The following CYRIA variants were observed in gnomAD, a reference collection of about 807,000 sequenced individuals.
CYRIA encodes CYFIP-related Rac1 interactor A.
CYRIA carries 15 observed loss-of-function variants against 43.9 expected under a neutral mutation model. That is an observed-to-expected ratio of 0.34 (90% CI 0.23 to 0.53). The LOEUF (loss-of-function observed/expected upper bound fraction) is 0.53, where lower values mean the gene tolerates loss of function less well. Ranked by LOEUF, CYRIA falls within the 20% of genes least tolerant of loss-of-function variation. CYRIA has a pLI of 0.94. For synonymous variants in CYRIA, 117 were observed against 136.0 expected (o/e 0.86, Z 0.97); for missense variants, 236 against 394.2 (o/e 0.60, Z 3.40).
intron 5 of CYRIA, among the ~76,000 whole-genome samples, chr2:16,562,467 A>T (rs1412763703): frequency 6.6e-6 from 1 of 152,156 alleles, no homozygotes; most frequent in Non-Finnish European, 1.5e-5. Flanking sequence ...TGTGCATGAG[A>T]CAGCCATTCA....
intron 3 of CYRIA, among the ~76,000 whole-genome samples, chr2:16,580,158 G>A (rs1368711415): frequency 2.0e-5 from 3 of 151,976 alleles, no homozygotes; most frequent in African/African-American, 7.3e-5. Flanking sequence ...TTGTTGCCCA[G>A]ACTGGCCTTG....
chr2:16,560,848 G>A (rs113157397), intron 9 of CYRIA, 142 bp downstream of exon 9: 24 of 735,460 alleles, frequency 3.3e-5, no homozygotes, highest in African/African-American at 2.8e-4. Context: ...ACCACTCAGA[G>A]TTCTTAGTGA....
intron 1 of CYRIA, among the ~76,000 whole-genome samples, chr2:16,640,506 G>GA (rs1285823771): frequency 6.6e-6 from 1 of 152,210 alleles, no homozygotes; most frequent in Non-Finnish European, 1.5e-5. Context: ...GTTTTCTAGG[G>GA]AAAATGGGCA....
intron 1 of CYRIA, among the ~76,000 whole-genome samples, chr2:16,654,719 G>A (rs573094544): frequency 6.6e-6 from 1 of 152,188 alleles, no homozygotes; most frequent in Non-Finnish European, 1.5e-5. Context: ...GTGTCTGTGG[G>A]ATGAAAAAAT....
chr2:16,570,807 A>G (rs1558406616), intron 3 of CYRIA, among the ~76,000 whole-genome samples: 2 of 152,138 alleles, frequency 1.3e-5, no homozygotes, highest in Non-Finnish European at 2.9e-5. Context: ...ACTGGTGAAA[A>G]TGGGTCCTTA....
At chr2:16,579,053 T>C (rs543384422) in intron 3 of CYRIA, among the ~76,000 whole-genome samples, 2 of 152,196 alleles carry the variant, frequency 1.3e-5, no homozygotes, top group South Asian at 2.1e-4. Flanking sequence ...GGAGCAATGA[T>C]AAAAATGGCT....
intron 2 of CYRIA, among the ~76,000 whole-genome samples, chr2:16,604,973 C>T (rs992364374): frequency 1.3e-5 from 2 of 152,168 alleles, no homozygotes; most frequent in Non-Finnish European, 2.9e-5. Flanking sequence ...GTTTTCAAAA[C>T]GTTTTAACAC....
chr2:16,637,700 AT>A (rs780847496), intron 1 of CYRIA, among the ~76,000 whole-genome samples: 59 of 152,210 alleles, frequency 3.9e-4, no homozygotes, highest in Non-Finnish European at 3.8e-4. Flanking sequence ...GCAAACTTGA[AT>A]TTTTTTATGC....
At chr2:16,640,160 A>G (rs1669630434) in intron 1 of CYRIA, among the ~76,000 whole-genome samples, 1 of 152,168 alleles carries the variant, frequency 6.6e-6, no homozygotes, top group Non-Finnish European at 1.5e-5. Context: ...AAGGGGGAAA[A>G]ATCCACACTT....
At chr2:16,617,794 A>C (rs1267191396) in intron 2 of CYRIA, among the ~76,000 whole-genome samples, 1 of 152,210 alleles carries the variant, frequency 6.6e-6, no homozygotes, top group Non-Finnish European at 1.5e-5. Flanking sequence ...AACAGCCCTC[A>C]AGGACTCTTT....
intron 6 of CYRIA, among the ~76,000 whole-genome samples, chr2:16,561,763 T>C (rs1177675431): frequency 6.6e-6 from 1 of 152,210 alleles, no homozygotes; most frequent in East Asian, 1.9e-4. Flanking sequence ...GTGGAACAGA[T>C]ACTTGAAAAG....
chr2:16,567,005 C>G (rs1666957507), intron 3 of CYRIA, among the ~76,000 whole-genome samples: 1 of 152,154 alleles, frequency 6.6e-6, no homozygotes, highest in Non-Finnish European at 1.5e-5. Flanking sequence ...CGAGTTTACA[C>G]CTGGTCTAAC....
chr2:16,589,594 T>C (rs1667851518), intron 2 of CYRIA, among the ~76,000 whole-genome samples: 2 of 152,114 alleles, frequency 1.3e-5, no homozygotes, highest in African/African-American at 2.4e-5. Context: ...ATCTGTAAAA[T>C]TAACTTTTGA....
At chr2:16,582,981 G>T (rs892437786) in intron 3 of CYRIA, among the ~76,000 whole-genome samples, 1 of 152,112 alleles carries the variant, frequency 6.6e-6, no homozygotes, top group Non-Finnish European at 1.5e-5. Flanking sequence ...CCTACCAGTG[G>T]TGTATGATAA....
intron 1 of CYRIA, among the ~76,000 whole-genome samples, chr2:16,632,990 G>C (rs986069858): frequency 1.3e-5 from 2 of 152,158 alleles, no homozygotes; most frequent in Admixed American, 6.5e-5. Flanking sequence ...GGGAGCAGCG[G>C]ATAGAAGAAT....
chr2:16,587,203 T>C (rs1037184791), intron 3 of CYRIA, among the ~76,000 whole-genome samples: 1 of 152,176 alleles, frequency 6.6e-6, no homozygotes, highest in Non-Finnish European at 1.5e-5. Context: ...GTAAGCCTTA[T>C]TTCTGGTATT....
chr2:16,598,787 C>G (rs1409873600), intron 2 of CYRIA, among the ~76,000 whole-genome samples: 4 of 117,076 alleles, frequency 3.4e-5, no homozygotes, highest in African/African-American at 1.9e-4. Context: ...AACTGCGTTC[C>G]TTTGGAGGAG....
chr2:16,555,988 G>A (rs893120546), intron 10 of CYRIA, among the ~76,000 whole-genome samples: 1 of 152,116 alleles, frequency 6.6e-6, no homozygotes, highest in Non-Finnish European at 1.5e-5. Context: ...CGTAATTTGG[G>A]AAGTGCATGG....
intron 3 of CYRIA, among the ~76,000 whole-genome samples, chr2:16,568,806 C>T (rs1356258367): frequency 5.3e-5 from 8 of 152,050 alleles, no homozygotes; most frequent in Non-Finnish European, 1.0e-4. Context: ...ACTCTGAGGC[C>T]AGAACAGAAA....
Sources: gnomAD v4.1 joint callset for allele counts (sites outside exome capture counted in the v4.1 genomes callset) on GRCh38, gnomAD v4.1.1 for gene constraint, MANE v1.5 for transcripts, NCBI Gene and HGNC (gene_info 2026-07-23, HGNC 2026-07-21) for gene names.